Variants in C1orf21 observed in about 807,000 individuals in gnomAD.
The protein encoded by C1orf21 is uncharacterized protein C1orf21.
A neutral mutation model predicts 18.7 loss-of-function variants in C1orf21; 3 were observed. The ratio of observed to expected loss-of-function variants is 0.16; its 90% CI spans 0.07 to 0.42. The LOEUF is 0.42. C1orf21 is among the 10% of genes least tolerant of loss of function. The pLI, the probability that C1orf21 is intolerant of heterozygous loss-of-function variation, is 0.99. For missense variants in C1orf21, 104 were observed against 143.6 expected, an observed-to-expected ratio of 0.72 and a Z score of 1.41; for synonymous variants, 41 against 46.4, an observed-to-expected ratio of 0.88 and a Z score of 0.47.
At chr1:184,454,870 A>G (rs1023932088) in intron 1 of C1orf21, among the ~76,000 whole-genome samples, 11 of 152,198 alleles carry the variant, frequency 7.2e-5, no homozygotes, top group Non-Finnish European at 1.5e-5. Flanking sequence ...TAGCAGTGCT[A>G]TATAGATATA....
rs534736241 is a variant in C1orf21, at chr1:184,463,912, G to A, written c.-124-13474G>A. On this transcript the variant is annotated intron_variant, in intron 1 of 5. Transcript: ENST00000235307. The stretch of plus-strand genomic sequence containing the variant: ...AGTGCCTGGAGCAAGATTTCTTAGA[G>A]GTGATAAGACTTGTTCTGGACCTTG... 2.0e-5 allele frequency among the ~76,000 whole-genome samples: 3 copies of A among 152,296 alleles called. No homozygotes were observed. In the South Asian group the frequency reaches 6.2e-4, roughly 32 times the overall value.
intron 2 of C1orf21, among the ~76,000 whole-genome samples, chr1:184,498,590 A>G (rs1385108094): frequency 6.6e-6 from 1 of 152,148 alleles, no homozygotes; most frequent in Non-Finnish European, 1.5e-5. Flanking sequence ...TGGAAAAACA[A>G]CTCATGTTTT....
At chr1:184,600,219 T>A (rs749065725) in intron 5 of C1orf21, among the ~76,000 whole-genome samples, 6 of 151,960 alleles carry the variant, frequency 3.9e-5, no homozygotes, top group Non-Finnish European at 7.4e-5. Context: ...CAGGCTGGAG[T>A]GCAGTGGTGC....
intron 5 of C1orf21, among the ~76,000 whole-genome samples, chr1:184,603,498 A>G (rs1347722146): frequency 6.6e-6 from 1 of 152,262 alleles, no homozygotes; most frequent in Non-Finnish European, 1.5e-5. Context: ...AGCTGATTTT[A>G]AAAGATGTTT....
Position 184,410,651 on chromosome 1 carries a change from ATATATATATATATTT to A in C1orf21, c.-125+23285_-125+23299del, listed in dbSNP as rs1224736809. ...TATATATATATATATATATATATATATATATATATATATTTTTTTTTTTTTTTTTTGAGATGGAGT... is the reference window on the plus strand; with the variant it reads ...TATATATATATATATATATATATATATTTTTTTTTTTTTTTGAGATGGAGT... On this transcript the variant is annotated intron_variant, in intron 1 of 5. Transcript: ENST00000235307. Among the ~76,000 whole-genome samples, 7 of 5,722 alleles carry A rather than the reference ATATATATATATATTT, an allele frequency of 1.2e-3. 1 individual carries two copies. The African/African-American group carries it at 0.021, about 17-fold the overall frequency. The allele number at this position is 5,722 out of a possible 152,430, so 3.8% of individuals were successfully genotyped here.
At chr1:184,609,269 A>T (rs759180512) in intron 5 of C1orf21, among the ~76,000 whole-genome samples, 2 of 152,202 alleles carry the variant, frequency 1.3e-5, no homozygotes, top group African/African-American at 2.4e-5. Context: ...ATGGGGACCT[A>T]CCAAGTTCTC....
At chr1:184,437,340 G>T (rs576604928) in intron 1 of C1orf21, among the ~76,000 whole-genome samples, 270 of 152,258 alleles carry the variant, frequency 1.8e-3, no homozygotes, top group Non-Finnish European at 2.9e-3. Flanking sequence ...TGTTATTTCA[G>T]CAAAACCAAC....
At position 184,593,870 on chromosome 1, in the gene C1orf21, A is replaced by G. The variant is rs147580970; in HGVS notation, c.266+3055A>G. ...CAGTCTAATATTACAAGAAAAGAGTAAGTCCTGAAAGATTACATAGAACAT... is the reference window on the plus strand; with the variant it reads ...CAGTCTAATATTACAAGAAAAGAGTGAGTCCTGAAAGATTACATAGAACAT... On this transcript the variant is annotated intron_variant, in intron 4 of 5. Coordinates refer to ENST00000235307, the MANE Select transcript of C1orf21 (RefSeq NM_030806.4). 1.9e-3 allele frequency among the ~76,000 whole-genome samples: 293 copies of G among 152,348 alleles called. 2 individuals carry two copies. Among genetic ancestry groups the G allele is most frequent in the African/African-American group, 6.4e-3 (267 of 41,576 alleles).
At chr1:184,603,881 G>GT (rs757924067) in intron 5 of C1orf21, among the ~76,000 whole-genome samples, 1 of 152,222 alleles carries the variant, frequency 6.6e-6, no homozygotes, top group Non-Finnish European at 1.5e-5. Context: ...CTTACAAAAT[G>GT]TTGGAGTTCT....
At chr1:184,575,828 C>T (rs1347288236) in intron 3 of C1orf21, among the ~76,000 whole-genome samples, 8 of 151,912 alleles carry the variant, frequency 5.3e-5, no homozygotes, top group Non-Finnish European at 7.4e-5. Context: ...ACAGTGTAGG[C>T]GCCTGACTAA....
At chr1:184,445,333 T>C (rs1399656740) in intron 1 of C1orf21, among the ~76,000 whole-genome samples, 2 of 145,104 alleles carry the variant, frequency 1.4e-5, no homozygotes, top group East Asian at 2.0e-4. Flanking sequence ...AACCACGCCC[T>C]TTTTTCAGAC....
chr1:184,408,674 G>T (rs955612879), intron 1 of C1orf21, among the ~76,000 whole-genome samples: 9 of 152,140 alleles, frequency 5.9e-5, no homozygotes, highest in African/African-American at 2.2e-4. Flanking sequence ...ATCAAGGAGG[G>T]ATTTTTATCT....
At position 184,387,133 on chromosome 1, in the gene C1orf21, C is replaced by T. The variant is rs1226874245; in HGVS notation, c.-360C>T. 1 of 151,840 alleles carries T rather than the reference C, an allele frequency of 6.6e-6. No homozygotes were observed. Among genetic ancestry groups the T allele is most frequent in the Admixed American group, 6.6e-5 (1 of 15,254 alleles). 9.4% of individuals were successfully genotyped at this position (151,840 alleles called of 1,614,324 possible). On this transcript the variant is annotated 5_prime_UTR_variant, in exon 1 of 6. Transcript: ENST00000235307. This position sits in a 1 kb window ranked among gnomAD's most constrained non-coding sequence, Gnocchi z 5.6. ...TTTCACACTTTAGTTGGGAGCTGCG[C>T]GCCGCGCTCAGTTACTGGAGAGCTG... is the stretch of plus-strand genomic sequence containing the variant.
intron 2 of C1orf21, among the ~76,000 whole-genome samples, chr1:184,485,108 A>G (rs749297329): frequency 6.6e-6 from 1 of 152,198 alleles, no homozygotes; most frequent in Non-Finnish European, 1.5e-5. Flanking sequence ...TGGATTAAAG[A>G]TACCTGTGTT....
chr1:184,573,870 A>G (rs983146491), intron 3 of C1orf21, among the ~76,000 whole-genome samples: 4 of 152,144 alleles, frequency 2.6e-5, no homozygotes, highest in Admixed American at 2.6e-4. Context: ...AAAATAAATA[A>G]AAAATTCAAA....
intron 1 of C1orf21, among the ~76,000 whole-genome samples, chr1:184,423,619 A>G (rs1457491986): frequency 1.3e-5 from 2 of 152,218 alleles, no homozygotes; most frequent in Non-Finnish European, 2.9e-5. Context: ...AACCTCCTAC[A>G]CAGAATAGAA....
chr1:184,519,671 T>G (rs1240594066), intron 3 of C1orf21, among the ~76,000 whole-genome samples: 1 of 152,176 alleles, frequency 6.6e-6, no homozygotes, highest in Non-Finnish European at 1.5e-5. Flanking sequence ...TATGTGTTGC[T>G]AAAAATAAAA....
intron 3 of C1orf21, among the ~76,000 whole-genome samples, chr1:184,513,898 A>G (rs1658186702): frequency 6.6e-6 from 1 of 152,248 alleles, no homozygotes; most frequent in South Asian, 2.1e-4. Flanking sequence ...ATAAGAAACC[A>G]AAACAGAGAA....
intron 2 of C1orf21, among the ~76,000 whole-genome samples, chr1:184,493,425 A>G (rs1450930086): frequency 6.6e-6 from 1 of 152,260 alleles, no homozygotes; most frequent in African/African-American, 2.4e-5. Flanking sequence ...TAAATAGCAC[A>G]TCTTTGAAGC....
Sources: allele counts gnomAD v4.1 joint callset (sites outside exome capture counted in the v4.1 genomes callset), GRCh38; gene constraint gnomAD v4.1.1; non-coding constraint Gnocchi (gnomAD v3.1); transcripts MANE v1.5; gene names NCBI Gene and HGNC (gene_info 2026-07-23, HGNC 2026-07-21).